Variants in GPC6 observed in about 807,000 individuals in gnomAD.
GPC6 encodes glypican 6.
In GPC6, 14 loss-of-function variants were observed where a neutral mutation model predicts 55.2. That is an observed-to-expected ratio of 0.25 (90% CI 0.17 to 0.40). GPC6 has a LOEUF of 0.40. Ranked by LOEUF, GPC6 falls within the 10% of genes least tolerant of loss-of-function variation. The pLI is 1.00. For missense variants in GPC6, 641 were observed against 708.5 expected (o/e 0.90, Z 1.08); for synonymous variants, 278 against 259.6 (o/e 1.07, Z -0.68).
intron 8 of GPC6, among the ~76,000 whole-genome samples, chr13:94,400,258 T>C (rs1238941642): frequency 6.6e-6 from 1 of 152,246 alleles, no homozygotes; most frequent in African/African-American, 2.4e-5. Flanking sequence ...AACATTTTTT[T>C]AAGTTACTCA....
At chr13:93,592,957 G>T (rs2139510933) in intron 2 of GPC6, among the ~76,000 whole-genome samples, 1 of 151,958 alleles carries the variant, frequency 6.6e-6, no homozygotes, top group Non-Finnish European at 1.5e-5. Flanking sequence ...TTCAGATAAG[G>T]TCAAATAAAT....
intron 2 of GPC6, among the ~76,000 whole-genome samples, chr13:93,640,250 A>C (rs566217213): frequency 6.9e-6 from 1 of 145,176 alleles, no homozygotes; most frequent in South Asian, 2.2e-4. Flanking sequence ...AGCCATATGC[A>C]ATAGTATACA....
chr13:93,568,172 G>T (rs1373204547), intron 2 of GPC6, among the ~76,000 whole-genome samples: 1 of 152,188 alleles, frequency 6.6e-6, no homozygotes, highest in Non-Finnish European at 1.5e-5. Context: ...TCCCTCCAAA[G>T]ATGTACTAGT....
At position 94,403,303 on chromosome 13, in the gene GPC6, C is replaced by T; in HGVS notation, c.*86C>T. 5 of 969,486 alleles carry T rather than the reference C, an allele frequency of 5.2e-6. No individual in the cohort carries two copies. The highest frequency in any genetic ancestry group is 8.1e-6 in the Non-Finnish European group (5 of 620,422). 60.1% of individuals were successfully genotyped at this position (969,486 alleles called of 1,614,324 possible). A position where few individuals can be genotyped will look rare whatever the true frequency, so the allele number is the denominator to read the frequency against. ...TTTCTTACACTCTTGGACAATGGAC[C>T]ATGCCACAAAAACTTACCGTTTTCT... On this transcript the variant is annotated 3_prime_UTR_variant, in exon 9 of 9. Transcript: ENST00000377047.
intron 1 of GPC6, among the ~76,000 whole-genome samples, chr13:93,269,891 CAAAAAA>C (rs529558741): frequency 1.9e-5 from 1 of 52,600 alleles, no homozygotes; most frequent in Admixed American, 2.1e-4. Flanking sequence ...GACTCCATCT[CAAAAAA>C]AAAAAAAAAA....
chr13:93,516,599 A>C (rs1199124537), intron 1 of GPC6, among the ~76,000 whole-genome samples: 1 of 152,140 alleles, frequency 6.6e-6, no homozygotes, highest in African/African-American at 2.4e-5. Context: ...ATGGGAAATA[A>C]AAAAAATAAT....
At chr13:94,268,555 G>T (rs1891885666) in intron 4 of GPC6, among the ~76,000 whole-genome samples, 1 of 152,186 alleles carries the variant, frequency 6.6e-6, no homozygotes. Flanking sequence ...TCTCTTGAAA[G>T]CAGGTGAGGA....
At chr13:93,389,375 G>A (rs1455683580) in intron 1 of GPC6, among the ~76,000 whole-genome samples, 1 of 151,832 alleles carries the variant, frequency 6.6e-6, no homozygotes, top group East Asian at 1.9e-4. Flanking sequence ...GTGGTGGCAG[G>A]CACCTGTAGT....
intron 2 of GPC6, among the ~76,000 whole-genome samples, chr13:93,801,108 C>T (rs71429539): frequency 0.15 from 23,423 of 152,112 alleles, 2,436 homozygotes; most frequent in Middle Eastern, 0.24. Flanking sequence ...GCATTGATAC[C>T]TGTTTGGTAA....
intron 1 of GPC6, among the ~76,000 whole-genome samples, chr13:93,438,736 C>T (rs900490733): frequency 2.0e-5 from 3 of 152,126 alleles, no homozygotes; most frequent in Admixed American, 1.3e-4. Flanking sequence ...TACAATATTA[C>T]ATAAGTTAGT....
intron 2 of GPC6, among the ~76,000 whole-genome samples, chr13:93,679,307 A>G (rs543947691): frequency 6.6e-6 from 1 of 152,256 alleles, no homozygotes; most frequent in South Asian, 2.1e-4. Flanking sequence ...AGAAGTTTAA[A>G]TCCATCAAGA....
chr13:93,520,917 C>A (rs531197595), intron 1 of GPC6, among the ~76,000 whole-genome samples: 18 of 151,990 alleles, frequency 1.2e-4, no homozygotes, highest in East Asian at 7.7e-4. Flanking sequence ...TGTCTCGGAA[C>A]TGATGAGGTG....
chr13:94,279,037 T>G (rs1892294552), intron 4 of GPC6, among the ~76,000 whole-genome samples: 1 of 152,224 alleles, frequency 6.6e-6, no homozygotes, highest in Non-Finnish European at 1.5e-5. Flanking sequence ...GTACCTCTGG[T>G]AGAATTCGGC....
chr13:93,646,075 G>A (rs1405177001), intron 2 of GPC6, among the ~76,000 whole-genome samples: 1 of 152,038 alleles, frequency 6.6e-6, no homozygotes, highest in Non-Finnish European at 1.5e-5. Context: ...GAACAAAACT[G>A]ATTTTGAGAG....
At chr13:94,162,052 T>C (rs1318380035) in intron 4 of GPC6, among the ~76,000 whole-genome samples, 1 of 152,184 alleles carries the variant, frequency 6.6e-6, no homozygotes, top group Non-Finnish European at 1.5e-5. Flanking sequence ...TATTTCCCAC[T>C]GGCTCCCTCC....
At chr13:93,407,504 T>C (rs977570172) in intron 1 of GPC6, among the ~76,000 whole-genome samples, 8 of 152,164 alleles carry the variant, frequency 5.3e-5, no homozygotes, top group African/African-American at 1.7e-4. Context: ...AGGGATTCAA[T>C]TGCAAAATGC....
intron 2 of GPC6, among the ~76,000 whole-genome samples, chr13:93,818,069 T>G (rs1886923819): frequency 6.8e-6 from 1 of 147,718 alleles, no homozygotes; most frequent in South Asian, 2.1e-4. Flanking sequence ...TATGTTAATA[T>G]AAATCATATA....
intron 4 of GPC6, among the ~76,000 whole-genome samples, chr13:94,125,303 G>C (rs1208904706): frequency 6.6e-6 from 1 of 152,022 alleles, no homozygotes; most frequent in Non-Finnish European, 1.5e-5. Context: ...TCAAAAAAAG[G>C]AACCTGCCTT....
At chr13:93,702,927 A>C (rs1376620399) in intron 2 of GPC6, among the ~76,000 whole-genome samples, 1 of 151,966 alleles carries the variant, frequency 6.6e-6, no homozygotes, top group Non-Finnish European at 1.5e-5. Flanking sequence ...TCTTCAGAAC[A>C]GCAATAAGGC....
Sources: gnomAD v4.1 joint callset for allele counts (sites outside exome capture counted in the v4.1 genomes callset) on GRCh38, gnomAD v4.1.1 for gene constraint, MANE v1.5 for transcripts, NCBI Gene and HGNC (gene_info 2026-07-23, HGNC 2026-07-21) for gene names.